Variants in COMMD2 observed in about 807,000 individuals in gnomAD.
The protein encoded by COMMD2 is COMM domain containing 2, also known as COMM domain-containing protein 2.
In COMMD2, 25 loss-of-function variants were observed where a neutral mutation model predicts 22.5. The ratio of observed to expected loss-of-function variants is 1.11; its 90% confidence interval spans 0.81 to 1.55. COMMD2 has a LOEUF of 1.55. Ranked by LOEUF, COMMD2 falls within the 40% of genes most tolerant of loss-of-function variation. COMMD2 has a pLI of 0.00. For missense variants in COMMD2, 223 were observed against 232.9 expected (o/e 0.96, Z 0.28); for synonymous variants, 98 against 91.2 (o/e 1.07, Z -0.42).
chr3:149,742,369 A>G (rs995222938), intron 4 of COMMD2, among the ~76,000 whole-genome samples: 20 of 152,224 alleles, frequency 1.3e-4, no homozygotes, highest in African/African-American at 4.6e-4. Flanking sequence ...TTGGAAAACA[A>G]TGTGCATTAC....
At chr3:149,752,328 C>A (rs1473809079) in intron 1 of COMMD2, 41 bp from the exon 2 acceptor site, 3 of 1,613,494 alleles carry the variant, frequency 1.9e-6, no homozygotes, top group Non-Finnish European at 2.5e-6. Flanking sequence ...CCAGGCGCTG[C>A]CTTTGACCTC....
rs1716173128 is a variant in COMMD2, at chr3:149,740,187, C to T, written c.*1334G>A. On this transcript the variant is annotated 3_prime_UTR_variant, in exon 5 of 5. Transcript: ENST00000473414. ...ATACAATTCTTCTCCCTAAGCTGAC[C>T]TCAGTATCTCTGCACTCTCTCAGGC... 6.6e-6 allele frequency: 1 copy of T among 152,186 alleles called. No individual in the cohort carries two copies. The highest frequency in any genetic ancestry group is 2.1e-4 in the South Asian group (1 of 4,826). The allele number at this position is 152,186 out of a possible 1,614,324, so 9.4% of individuals were successfully genotyped here. A position where few individuals can be genotyped will look rare whatever the true frequency, so the allele number is the denominator to read the frequency against.
chr3:149,741,287 C>T lies in COMMD2; in HGVS notation c.*234G>A. ...TTCACCATGTTAGCCAGGAAGGTCT[C>T]AATCTCCTGACCTCATGATTTGCCC... On this transcript the variant is annotated 3_prime_UTR_variant, in exon 5 of 5. Transcript: ENST00000473414. 2.3e-6 allele frequency: 1 copy of T among 432,226 alleles called. No homozygotes were observed. 26.8% of individuals were successfully genotyped at this position (432,226 alleles called of 1,614,324 possible). A position where few individuals can be genotyped will look rare whatever the true frequency, so the allele number is the denominator to read the frequency against.
In COMMD2 at chr3:149,743,159, T is replaced by C. The variant is rs1431866041; in HGVS notation, c.403-1441A>G. On this transcript the variant is annotated intron_variant, in intron 4 of 4. Coordinates refer to ENST00000473414, the MANE Select transcript of COMMD2 (RefSeq NM_016094.4). ...ATCATTATTCTTTAAACTGGGTATC[T>C]ATAACCTTTCATTTGTATAATATGT... Among the ~76,000 whole-genome samples, 8 of 152,280 alleles carry C rather than the reference T, an allele frequency of 5.3e-5. No individual in the cohort carries two copies. The South Asian group carries it at 1.7e-3, about 32-fold the overall frequency.
intron 4 of COMMD2, among the ~76,000 whole-genome samples, chr3:149,746,438 T>C (rs1432831873): frequency 2.0e-5 from 3 of 152,074 alleles, no homozygotes; most frequent in Non-Finnish European, 2.9e-5. Context: ...TATTAGTCCT[T>C]TCTCACACTG....
At chr3:149,752,108 C>CAAGA (rs753790050) in intron 2 of COMMD2, 102 bp downstream of exon 2, 6 of 964,466 alleles carry the variant, frequency 6.2e-6, no homozygotes, top group Non-Finnish European at 9.5e-6. Context: ...ACAATCGGAA[C>CAAGA]AAGACCCTAG....
In COMMD2 at chr3:149,741,745, A is replaced by G. The variant is rs201781869; in HGVS notation, c.403-27T>C. The G allele has an allele frequency of 1.4e-5, 21 of 1,531,500 alleles. No individual in the cohort carries two copies. The East Asian group carries it at 4.5e-4, about 33-fold the overall frequency. 94.9% of individuals were successfully genotyped at this position (1,531,500 alleles called of 1,614,324 possible). The stretch of plus-strand genomic sequence containing the variant: ...TTGATTTTAAATGAAATAAGAGCAC[A>G]GTAACTATTTAATAACCATGCTGAA... On this transcript the variant is annotated intron_variant, in intron 4 of 4. Transcript: ENST00000473414.
intron 2 of COMMD2, 48 bp downstream of exon 2, chr3:149,752,162 T>A (rs367995657): frequency 2.7e-5 from 41 of 1,526,446 alleles, no homozygotes; most frequent in Non-Finnish European, 3.5e-5. Context: ...AGGGAATGGC[T>A]CGCAACCGCC....
At chr3:149,747,434 T>C (rs1028556989) in intron 4 of COMMD2, among the ~76,000 whole-genome samples, 4 of 152,182 alleles carry the variant, frequency 2.6e-5, no homozygotes, top group Admixed American at 2.6e-4. Flanking sequence ...CAGGAAGTTA[T>C]TTCCCAGAAG....
chr3:149,752,206 T>C lies in COMMD2; in HGVS notation c.145+4A>G, dbSNP rs747186120. ...CTGCGGAGCCTTCCCCTTTCCCTTC[T>C]TACTGGCGGCGCCTTCGTAGATTTT... On this transcript the variant is annotated splice_donor_region_variant and intron_variant, in intron 2 of 4. Coordinates refer to ENST00000473414, the MANE Select transcript of COMMD2 (RefSeq NM_016094.4). 1.2e-6 allele frequency: 2 copies of C among 1,613,588 alleles called. No homozygotes were observed. The highest frequency in any genetic ancestry group is 1.7e-6 in the Non-Finnish European group (2 of 1,179,650).
chr3:149,752,050 G>A (rs963772081), intron 2 of COMMD2, 160 bp downstream of exon 2: 2 of 588,844 alleles, frequency 3.4e-6, no homozygotes, highest in Non-Finnish European at 6.0e-6. Flanking sequence ...TTAAGGGACG[G>A]GCAGGATTTG....
chr3:149,748,990 T>A (rs931997052), intron 4 of COMMD2, among the ~76,000 whole-genome samples: 1 of 152,172 alleles, frequency 6.6e-6, no homozygotes, highest in Non-Finnish European at 1.5e-5. Context: ...TCCTACATGA[T>A]TGTTTTTTAA....
chr3:149,743,836 G>A (rs530500560), intron 4 of COMMD2, among the ~76,000 whole-genome samples: 7 of 152,258 alleles, frequency 4.6e-5, no homozygotes, highest in African/African-American at 1.4e-4. Context: ...AGACTGCACC[G>A]ACAGACAGGG....
At chr3:149,748,544 T>C (rs546772781) in intron 4 of COMMD2, among the ~76,000 whole-genome samples, 38 of 152,298 alleles carry the variant, frequency 2.5e-4, no homozygotes, top group African/African-American at 8.2e-4. Context: ...CCACCAAAAT[T>C]TAACTGTGTC....
Position 149,741,038 on chromosome 3 carries a change from TTTTTTA to T in COMMD2, c.*477_*482del, listed in dbSNP as rs1276039870. On this transcript the variant is annotated 3_prime_UTR_variant, in exon 5 of 5. Transcript: ENST00000473414. ...GAACTTTACTTTAGCTTCTGATTAC[TTTTTTA>T]TTTTTATTTTTACTTTATTATTATT... 7 of 152,654 alleles carry T rather than the reference TTTTTTA, an allele frequency of 4.6e-5. No individual in the cohort carries two copies. Among genetic ancestry groups the T allele is most frequent in the African/African-American group, 9.6e-5 (4 of 41,528 alleles). 9.5% of individuals were successfully genotyped at this position (152,654 alleles called of 1,614,324 possible). A position where few individuals can be genotyped will look rare whatever the true frequency, so the allele number is the denominator to read the frequency against.
In COMMD2 at chr3:149,741,408, G is replaced by A. The variant is rs1716219283; in HGVS notation, c.*113C>T. 2 of 846,826 alleles carry A rather than the reference G, an allele frequency of 2.4e-6. No homozygotes were observed. The highest frequency in any genetic ancestry group is 3.8e-6 in the Non-Finnish European group (2 of 530,832). 52.5% of individuals were successfully genotyped at this position (846,826 alleles called of 1,614,324 possible). A position where few individuals can be genotyped will look rare whatever the true frequency, so the allele number is the denominator to read the frequency against. On this transcript the variant is annotated 3_prime_UTR_variant, in exon 5 of 5. Transcript: ENST00000473414. The stretch of plus-strand genomic sequence containing the variant: ...CTCAGTATCTTGGAATAGATACTGA[G>A]GAATACTATGTATTTATCATCATGA...
At chr3:149,750,376 T>C (rs916018463) in intron 4 of COMMD2, 2 of 472,028 alleles carry the variant, frequency 4.2e-6, no homozygotes, top group East Asian at 6.1e-5. Context: ...TGTGCACTTT[T>C]CTACATCTGT....
rs1038324613 is a variant in COMMD2 at position 149,739,043 on chromosome 3, A to G, written c.*2478T>C. 6.6e-6 allele frequency: 1 copy of G among 152,172 alleles called. No homozygotes were observed. The highest frequency in any genetic ancestry group is 1.5e-5 in the Non-Finnish European group (1 of 68,016). The allele number at this position is 152,172 out of a possible 1,614,324, so 9.4% of individuals were successfully genotyped here. A position where few individuals can be genotyped will look rare whatever the true frequency, so the allele number is the denominator to read the frequency against. On this transcript the variant is annotated 3_prime_UTR_variant, in exon 5 of 5. Coordinates refer to ENST00000473414, the MANE Select transcript of COMMD2 (RefSeq NM_016094.4). ...CTCTGTTCTGAGATGAGATGTTACT[A>G]TTTTGGCTTTGAGACATGAAGGATA...
chr3:149,752,451 T>G lies in COMMD2; in HGVS notation c.-7A>C. The G allele has an allele frequency of 6.2e-7, 1 of 1,611,968 alleles. No homozygotes were observed. The stretch of plus-strand genomic sequence containing the variant: ...CGGACAATTCCAGCAGCATCTTCAC[T>G]GTCCTACGATTTCACCCGGCAGCGC... On this transcript the variant is annotated 5_prime_UTR_variant, in exon 1 of 5. Coordinates refer to ENST00000473414, the MANE Select transcript of COMMD2 (RefSeq NM_016094.4).
Sources: gnomAD v4.1 joint callset for allele counts (sites outside exome capture counted in the v4.1 genomes callset) on GRCh38, gnomAD v4.1.1 for gene constraint, MANE v1.5 for transcripts, NCBI Gene and HGNC (gene_info 2026-07-23, HGNC 2026-07-21) for gene names.